TMEM87B: variants seen among roughly 807,000 people sequenced by gnomAD.
The protein encoded by TMEM87B is transmembrane protein 87B.
Under a neutral mutation model 80.3 loss-of-function variants are expected in TMEM87B, and 83 were observed. The ratio of observed to expected loss-of-function variants is 1.03; its 90% CI spans 0.87 to 1.24. The LOEUF is 1.24. TMEM87B is among the 50% of genes most tolerant of loss of function. The pLI is 0.00. For missense variants in TMEM87B, 625 were observed against 674.4 expected (o/e 0.93, Z 0.81); for synonymous variants, 219 against 230.5 (o/e 0.95, Z 0.45).
chr2:112,098,824 G>C, intron 14 of TMEM87B, 126 bp downstream of exon 14: 1 of 814,174 alleles, frequency 1.2e-6, no homozygotes, highest in Non-Finnish European at 2.0e-6. Context: ...CAAGTAGGGA[G>C]ATAAGCAAAA....
chr2:112,070,187 T>A (rs993102377), intron 4 of TMEM87B, among the ~76,000 whole-genome samples: 4 of 152,214 alleles, frequency 2.6e-5, no homozygotes. Flanking sequence ...TTAGATCCTA[T>A]TTGTCAATTT....
At chr2:112,064,329 C>G in intron 3 of TMEM87B, 76 bp downstream of exon 3, 1 of 1,225,384 alleles carries the variant, frequency 8.2e-7, no homozygotes, top group East Asian at 2.3e-5. Context: ...GCTCATCAAG[C>G]GAGGAGGCTA....
At chr2:112,111,712 A>G (rs963447680) in intron 17 of TMEM87B, among the ~76,000 whole-genome samples, 2 of 152,178 alleles carry the variant, frequency 1.3e-5, no homozygotes, top group African/African-American at 4.8e-5. Flanking sequence ...TGGAACAAAA[A>G]TTTTATAAGT....
intron 5 of TMEM87B, among the ~76,000 whole-genome samples, chr2:112,075,613 A>G (rs529698605): frequency 9.2e-5 from 14 of 152,188 alleles, no homozygotes; most frequent in African/African-American, 3.4e-4. Context: ...TGAATGTAGC[A>G]TGTGGGAGGG....
chr2:112,092,157 G>C (rs1212145771), intron 11 of TMEM87B, among the ~76,000 whole-genome samples: 2 of 152,172 alleles, frequency 1.3e-5, no homozygotes, highest in East Asian at 3.8e-4. Flanking sequence ...AGAAGTTAAT[G>C]CTGGCATAAA....
chr2:112,081,382 G>T lies in TMEM87B; in HGVS notation c.702G>T (p.Trp234Cys). Residue 234 changes from tryptophan (W) to cysteine (C), a missense_variant, in exon 8 of 19, where the codon TGG (tryptophan) becomes TGT (cysteine). Trp to Cys is a radical substitution (Grantham distance 215). Transcript: ENST00000283206. ...TTTATATATTATATGGCATACTCTG[G>T]CTGACGTGGTCTGCCTGTTATTGGA... Reference protein sequence around the residue: ...CIVYILYGILWLTWSACYWKD... With the variant: ...CIVYILYGILCLTWSACYWKD... 6.2e-7 allele frequency: 1 copy of T among 1,613,294 alleles called. No individual in the cohort carries two copies. The highest frequency in any genetic ancestry group is 1.1e-5 in the South Asian group (1 of 90,884).
At chr2:112,101,092 T>C (rs989352308) in intron 15 of TMEM87B, among the ~76,000 whole-genome samples, 3 of 152,232 alleles carry the variant, frequency 2.0e-5, no homozygotes, top group Non-Finnish European at 2.9e-5. Flanking sequence ...CTTAAAGTTT[T>C]AATGATATTT....
chr2:112,107,695 A>T (rs904194520), intron 16 of TMEM87B, 93 bp from the exon 17 acceptor site: 2 of 585,624 alleles, frequency 3.4e-6, no homozygotes, highest in African/African-American at 1.9e-5. Context: ...TCAAATATTT[A>T]CATTTAAACA....
rs541274449 is a variant in TMEM87B, at chr2:112,062,606, G to A, written c.227-1556G>A. The stretch of plus-strand genomic sequence containing the variant: ...AAGCAGGCTTTTTGTTTGTTTGGTC[G>A]GTGCATATTGTGAATTTCACATTTT... On this transcript the variant is annotated intron_variant, in intron 2 of 18. Coordinates refer to ENST00000283206, the MANE Select transcript of TMEM87B (RefSeq NM_032824.3). Among the ~76,000 whole-genome samples, 12 of 152,252 alleles carry A rather than the reference G, an allele frequency of 7.9e-5. No individual in the cohort carries two copies. In the East Asian group the frequency reaches 9.7e-4, roughly 12 times the overall value.
At chr2:112,071,080 C>CA (rs1200817006) in intron 4 of TMEM87B, among the ~76,000 whole-genome samples, 15 of 151,988 alleles carry the variant, frequency 9.9e-5, no homozygotes, top group African/African-American at 3.1e-4. Context: ...CCGCCTCGGC[C>CA]TCCAAAGTGC....
rs1338696269 is a variant in TMEM87B, at chr2:112,067,003, G to T, written c.386G>T (p.Cys129Phe). ...DFCHYLKNDN[C>F]WTTKNENLDC... ...TGTCATTATTTGAAGAATGACAACT[G>T]TTGGACAACAAAAAATGAAAACTTA... The change falls in exon 4 of 19, where the codon TGT becomes TTT. Residue 129 changes from cysteine to phenylalanine, a missense_variant. Coordinates refer to ENST00000283206, the MANE Select transcript of TMEM87B (RefSeq NM_032824.3). 2 of 1,612,010 alleles carry T rather than the reference G, an allele frequency of 1.2e-6. No homozygotes were observed. Among genetic ancestry groups the T allele is most frequent in the Non-Finnish European group, 1.7e-6 (2 of 1,179,480 alleles).
At position 112,086,117 on chromosome 2, in the gene TMEM87B, G is replaced by A. The variant is rs756398471; in HGVS notation, c.938+13G>A. On this transcript the variant is annotated intron_variant, in intron 9 of 18. Coordinates refer to ENST00000283206, the MANE Select transcript of TMEM87B (RefSeq NM_032824.3). Reference sequence around the variant, plus strand: ...ATGGCATTGTGAAGTAAGTACTGGCGTGTGGGAAAAATGCTGGGTCCCAGC... The same window carrying A: ...ATGGCATTGTGAAGTAAGTACTGGCATGTGGGAAAAATGCTGGGTCCCAGC... 4.6e-5 allele frequency: 74 copies of A among 1,609,868 alleles called. No homozygotes were observed. The highest frequency in any genetic ancestry group is 5.6e-5 in the Non-Finnish European group (66 of 1,176,730).
chr2:112,090,327 G>GT (rs1228311155), intron 10 of TMEM87B, among the ~76,000 whole-genome samples: 2 of 152,048 alleles, frequency 1.3e-5, no homozygotes, highest in Admixed American at 6.6e-5. Flanking sequence ...TCTAGCTTCA[G>GT]TTTTTTTACT....
chr2:112,079,693 T>C (rs1678927625), intron 6 of TMEM87B, among the ~76,000 whole-genome samples: 1 of 152,192 alleles, frequency 6.6e-6, no homozygotes, highest in Non-Finnish European at 1.5e-5. Flanking sequence ...CCATACTGTT[T>C]TTTATAATGG....
At chr2:112,109,989 C>T (rs1679871196) in intron 17 of TMEM87B, among the ~76,000 whole-genome samples, 1 of 152,114 alleles carries the variant, frequency 6.6e-6, no homozygotes, top group Non-Finnish European at 1.5e-5. Flanking sequence ...TGGCCTCGAA[C>T]TCCTGACCTC....
At chr2:112,074,362 T>C (rs1349886216) in intron 4 of TMEM87B, among the ~76,000 whole-genome samples, 1 of 152,222 alleles carries the variant, frequency 6.6e-6, no homozygotes, top group Non-Finnish European at 1.5e-5. Context: ...TTGGAATTTC[T>C]TTTGTTTAAG....
intron 17 of TMEM87B, among the ~76,000 whole-genome samples, chr2:112,108,525 G>A (rs1384021427): frequency 2.0e-5 from 3 of 152,144 alleles, no homozygotes; most frequent in Non-Finnish European, 2.9e-5. Flanking sequence ...CTTTATTGAA[G>A]AAATTTTTGT....
In TMEM87B at chr2:112,055,526, G is replaced by T. The variant is rs1204589246; in HGVS notation, c.-66G>T. On this transcript the variant is annotated 5_prime_UTR_variant, in exon 1 of 19. Transcript: ENST00000283206. ...CCGGATTCGGACCCGCCTGCCTGGG[G>T]CGGTGCTGCACCAGGTGCGGGTGTG... 2 of 1,406,192 alleles carry T rather than the reference G, an allele frequency of 1.4e-6. No individual in the cohort carries two copies. The highest frequency in any genetic ancestry group is 1.5e-5 in the African/African-American group (1 of 66,204). 87.1% of individuals were successfully genotyped at this position (1,406,192 alleles called of 1,614,324 possible). A position where few individuals can be genotyped will look rare whatever the true frequency, so the allele number is the denominator to read the frequency against.
At position 112,074,914 on chromosome 2, in the gene TMEM87B, T is replaced by C. The variant is rs141654814; in HGVS notation, c.453T>C (p.Asn151=). ...SDSQVFPSLN[N]KELINIRNVS... is the part of the protein sequence containing the mutation. ...GCATTATTTACTCTTTTTTCCAGAA[T>C]AAAGAACTAATAAATATCAGAAATG... Residue 151 remains asparagine, a splice_region_variant and synonymous_variant, in exon 5 of 19, where the codon AAT becomes AAC. Transcript: ENST00000283206. 5.1e-5 allele frequency: 80 copies of C among 1,574,628 alleles called. No homozygotes were observed. The highest frequency in any genetic ancestry group is 3.4e-4 in the Middle Eastern group (2 of 5,928).
Sources: gnomAD v4.1 joint callset for allele counts (sites outside exome capture counted in the v4.1 genomes callset) on GRCh38, gnomAD v4.1.1 for gene constraint, MANE v1.5 for transcripts, NCBI Gene and HGNC (gene_info 2026-07-23, HGNC 2026-07-21) for gene names.